The following CACNA1A variants were observed in gnomAD, a reference collection of about 807,000 sequenced individuals.
CACNA1A encodes voltage-dependent P/Q-type calcium channel subunit alpha-1A.
A neutral mutation model predicts 262.4 loss-of-function variants in CACNA1A; 57 were observed. That is an observed-to-expected ratio of 0.22 (90% confidence interval 0.18 to 0.27). The LOEUF is 0.27. Among genes scored for constraint, CACNA1A ranks in the 10% least tolerant of loss-of-function variants. CACNA1A has a pLI of 1.00. For missense variants in CACNA1A, 2,526 were observed against 3,562.8 expected (o/e 0.71, Z 7.41); for synonymous variants, 1,431 against 1,419.3 (o/e 1.01, Z -0.18).
chr19:13,245,105 G>A lies in CACNA1A; in HGVS notation c.4950+77C>T, dbSNP rs1472514007. 2.6e-6 allele frequency: 3 copies of A among 1,149,430 alleles called. No homozygotes were observed. The East Asian group carries it at 7.0e-5, about 27-fold the overall frequency. 71.2% of individuals were successfully genotyped at this position (1,149,430 alleles called of 1,614,324 possible). On this transcript the variant is annotated intron_variant, in intron 31 of 46. Coordinates refer to ENST00000360228, the MANE Select transcript of CACNA1A (RefSeq NM_001127222.2). ...ATGGCTTCCGGGACACACTGCCTCT[G>A]GGACCGCTCCCCCGCCCCCTGCCGC...
At chr19:13,426,964 A>G (rs2060412731) in intron 3 of CACNA1A, among the ~76,000 whole-genome samples, 1 of 152,258 alleles carries the variant, frequency 6.6e-6, no homozygotes, top group African/African-American at 2.4e-5. Flanking sequence ...AATGCCTGAC[A>G]GAAGAAAGGC....
intron 34 of CACNA1A, among the ~76,000 whole-genome samples, chr19:13,232,346 C>T (rs1046468154): frequency 1.2e-4 from 18 of 151,804 alleles, no homozygotes; most frequent in African/African-American, 4.1e-4. Context: ...TACAGGCACA[C>T]GCCACCACTC....
intron 19 of CACNA1A, among the ~76,000 whole-genome samples, chr19:13,289,560 C>T (rs2057486553): frequency 6.6e-6 from 1 of 152,164 alleles, no homozygotes; most frequent in African/African-American, 2.4e-5. Flanking sequence ...TTCCCCATAT[C>T]CTGGAGACTG....
rs576057388 is a variant in CACNA1A, at chr19:13,209,492, A to C, written c.6346T>G (p.Ser2116Ala). ...RPRGNNLSTI[S>A]DTSPMKRSAS... ...GAACGCTTCATGGGGCTGGTGTCTG[A>C]GATGGTCTGGGGGAGGGGACAGGCC... Residue 2116 changes from serine to alanine, a missense_variant, in exon 45 of 47, where the codon TCA becomes GCA. Coordinates refer to ENST00000360228, the MANE Select transcript of CACNA1A (RefSeq NM_001127222.2). 8.4e-6 allele frequency: 11 copies of C among 1,314,636 alleles called. No individual in the cohort carries two copies. Among genetic ancestry groups the C allele is most frequent in the Middle Eastern group, 2.3e-4 (1 of 4,364 alleles). The allele number at this position is 1,314,636 out of a possible 1,614,324, so 81.4% of individuals were successfully genotyped here.
intron 3 of CACNA1A, among the ~76,000 whole-genome samples, chr19:13,447,317 G>T (rs999664617): frequency 6.6e-6 from 1 of 152,150 alleles, no homozygotes; most frequent in Admixed American, 6.5e-5. Flanking sequence ...CTCCTCTAGA[G>T]GAATGAGTCT....
chr19:13,376,735 GATAT>G (rs964226279), intron 3 of CACNA1A, among the ~76,000 whole-genome samples: 2 of 145,350 alleles, frequency 1.4e-5, no homozygotes, highest in African/African-American at 5.0e-5. Flanking sequence ...TGTTATATAT[GATAT>G]ATATAACACA....
At chr19:13,248,925 G>A (rs1300280525) in intron 30 of CACNA1A, among the ~76,000 whole-genome samples, 1 of 152,032 alleles carries the variant, frequency 6.6e-6, no homozygotes, top group African/African-American at 2.4e-5. Context: ...ACATCTAGGG[G>A]TTTGCTCAGG....
At chr19:13,280,398 G>T (rs1261056042) in intron 22 of CACNA1A, among the ~76,000 whole-genome samples, 1 of 148,810 alleles carries the variant, frequency 6.7e-6, no homozygotes, top group Non-Finnish European at 1.5e-5. Flanking sequence ...TCACTATGTT[G>T]CCCAAGCTGG....
At chr19:13,350,048 G>A (rs372515626) in intron 6 of CACNA1A, among the ~76,000 whole-genome samples, 6 of 152,336 alleles carry the variant, frequency 3.9e-5, no homozygotes, top group Admixed American at 1.3e-4. Context: ...AGTTAGAAGT[G>A]AGTTGGACCT....
At chr19:13,290,215 C>T (rs1161057667) in intron 19 of CACNA1A, among the ~76,000 whole-genome samples, 1 of 151,730 alleles carries the variant, frequency 6.6e-6, no homozygotes, top group Non-Finnish European at 1.5e-5. Flanking sequence ...GGATTACAGG[C>T]GTGAGCCACC....
intron 1 of CACNA1A, among the ~76,000 whole-genome samples, chr19:13,495,946 A>C (rs1981454556): frequency 1.3e-5 from 2 of 151,882 alleles, no homozygotes; most frequent in African/African-American, 4.8e-5. Flanking sequence ...GTCATCTACC[A>C]ATCTACTTAT....
At chr19:13,379,964 C>T (rs554697770) in intron 3 of CACNA1A, among the ~76,000 whole-genome samples, 37 of 136,322 alleles carry the variant, frequency 2.7e-4, no homozygotes, top group Non-Finnish European at 4.6e-5. Context: ...ACCAGCACTG[C>T]CCAGGAGAAA....
At chr19:13,259,850 T>C (rs2056682549) in intron 26 of CACNA1A, 149 bp from the exon 27 acceptor site, 10 of 732,072 alleles carry the variant, frequency 1.4e-5, no homozygotes, top group Non-Finnish European at 2.1e-5. Flanking sequence ...CCTGCCACCA[T>C]GTGTTCCTGT....
chr19:13,486,119 G>C (rs2145102697), intron 1 of CACNA1A, among the ~76,000 whole-genome samples: 1 of 152,288 alleles, frequency 6.6e-6, no homozygotes, highest in East Asian at 1.9e-4. Context: ...CATAATATCT[G>C]ACTATATTGC....
chr19:13,505,246 G>A (rs1477293), intron 1 of CACNA1A, among the ~76,000 whole-genome samples: 99,141 of 151,964 alleles, frequency 0.65, 32,586 homozygotes, highest in East Asian at 0.84. Flanking sequence ...AATGGGACCT[G>A]CACACATGAG....
chr19:13,279,840 G>A (rs1035141048), intron 22 of CACNA1A, among the ~76,000 whole-genome samples: 1 of 151,842 alleles, frequency 6.6e-6, no homozygotes, highest in African/African-American at 2.4e-5. Flanking sequence ...ACAGGGTCTC[G>A]CTCTGTCGCC....
intron 25 of CACNA1A, chr19:13,262,477 G>A (rs538844447): frequency 1.4e-5 from 6 of 415,418 alleles, no homozygotes; most frequent in South Asian, 7.7e-5. Context: ...GCCTTCATGC[G>A]AATTAGGAAA....
In CACNA1A at chr19:13,330,328, G is replaced by A. The variant is rs1208991974; in HGVS notation, c.1261C>T (p.Arg421Trp). The change falls in exon 10 of 47, where the codon CGG (arginine) becomes TGG (tryptophan). Residue 421 changes from arginine to tryptophan, a missense_variant. Physicochemically the swap from Arg to Trp is moderately radical, Grantham distance 101 (BLOSUM62 -3). Coordinates refer to ENST00000360228, the MANE Select transcript of CACNA1A (RefSeq NM_001127222.2). ...GEQRHPFDAL[R>W]RTTIKKSKTD... ...TTGCTTTTCTTTATGGTGGTTCTCC[G>A]CAGAGCTCCAACAATGGAAACATGG... 9.6e-6 allele frequency: 15 copies of A among 1,560,308 alleles called. No individual in the cohort carries two copies. Among genetic ancestry groups the A allele is most frequent in the Middle Eastern group, 1.7e-4 (1 of 5,998 alleles).
chr19:13,219,042 ATTTTTTTT>A (rs554840529), intron 38 of CACNA1A, among the ~76,000 whole-genome samples: 13 of 118,014 alleles, frequency 1.1e-4, no homozygotes, highest in East Asian at 7.8e-4. Flanking sequence ...CCCTTTGCAG[ATTTTTTTT>A]TTTTTTTTTT....
Sources: allele counts gnomAD v4.1 joint callset (sites outside exome capture counted in the v4.1 genomes callset), GRCh38; gene constraint gnomAD v4.1.1; transcripts MANE v1.5; gene names NCBI Gene and HGNC (gene_info 2026-07-23, HGNC 2026-07-21).